ANK3: variants seen among roughly 807,000 people sequenced by gnomAD.
ANK3 encodes the protein ankyrin 3.
In ANK3, 57 loss-of-function variants were observed where a neutral mutation model predicts 370.9. The ratio of observed to expected loss-of-function variants is 0.15; its 90% CI spans 0.12 to 0.19. The LOEUF (loss-of-function observed/expected upper bound fraction) is 0.19, where lower values mean the gene tolerates loss of function less well. ANK3 is among the 10% of genes least tolerant of loss of function. The pLI is 1.00. For synonymous variants in ANK3, 1,929 were observed against 1,946.3 expected, an observed-to-expected ratio of 0.99 and a Z score of 0.23; for missense variants, 4,439 against 5,302.1, an observed-to-expected ratio of 0.84 and a Z score of 5.06.
intron 1 of ANK3, among the ~76,000 whole-genome samples, chr10:60,625,828 T>A (rs1293503512): frequency 1.3e-5 from 2 of 152,196 alleles, no homozygotes; most frequent in South Asian, 4.1e-4. Context: ...ATGGTTCTTA[T>A]AAAATTAGGA....
rs142550787 is a variant in ANK3, at chr10:60,624,495, C to T, written c.58-9271G>A. Among the ~76,000 whole-genome samples, 381 of 152,200 alleles carry T rather than the reference C, an allele frequency of 2.5e-3. 7 individuals are homozygous for T. The highest frequency in any genetic ancestry group is 0.02 in the Admixed American group (304 of 15,286). Reference sequence around the variant, plus strand: ...ATCTGTGTTCCCCAGTCTTCCCTTGCTCGATTTGAATCTGTATTCTTTTGC... The same window carrying T: ...ATCTGTGTTCCCCAGTCTTCCCTTGTTCGATTTGAATCTGTATTCTTTTGC... On this transcript the variant is annotated intron_variant, in intron 1 of 43. Transcript: ENST00000373827.
intron 14 of ANK3, 49 bp downstream of exon 14, chr10:60,198,290 GA>G (rs2096618592): frequency 1.3e-6 from 2 of 1,584,536 alleles, no homozygotes; most frequent in Non-Finnish European, 1.7e-6. Context: ...GAAACGTAAG[GA>G]AGATGTATTT....
chr10:60,166,986 T>C (rs2095641416), intron 21 of ANK3, 90 bp from the exon 22 acceptor site: 4 of 1,062,314 alleles, frequency 3.8e-6, no homozygotes, highest in Admixed American at 1.9e-5. Context: ...CAGTTTCTTG[T>C]GGAATGTATG....
chr10:60,365,755 A>G (rs376634776), intron 1 of ANK3, among the ~76,000 whole-genome samples: 1 of 152,144 alleles, frequency 6.6e-6, no homozygotes, highest in Admixed American at 6.5e-5. Context: ...GAGGAAATTG[A>G]CTGAGGTTAA....
chr10:60,596,193 T>C (rs1345860361), intron 2 of ANK3, among the ~76,000 whole-genome samples: 1 of 152,132 alleles, frequency 6.6e-6, no homozygotes, highest in Non-Finnish European at 1.5e-5. Context: ...GTTTTGCACA[T>C]GTGAATTTGT....
At chr10:60,591,899 G>A (rs2077920375) in intron 2 of ANK3, among the ~76,000 whole-genome samples, 1 of 152,290 alleles carries the variant, frequency 6.6e-6, no homozygotes, top group African/African-American at 2.4e-5. Flanking sequence ...TGGACATAGA[G>A]AGCAGAAGCA....
intron 2 of ANK3, among the ~76,000 whole-genome samples, chr10:60,566,421 A>C (rs934620569): frequency 6.6e-5 from 10 of 152,248 alleles, no homozygotes; most frequent in African/African-American, 2.2e-4. Context: ...AGACAGACCA[A>C]AAACTAGGAC....
chr10:60,381,763 T>C (rs1370344658), intron 1 of ANK3, among the ~76,000 whole-genome samples: 1 of 152,172 alleles, frequency 6.6e-6, no homozygotes, highest in Non-Finnish European at 1.5e-5. Flanking sequence ...CTTCACAACA[T>C]GTATGTAAAG....
intron 2 of ANK3, among the ~76,000 whole-genome samples, chr10:60,578,180 T>C (rs2077706031): frequency 6.6e-6 from 1 of 152,230 alleles, no homozygotes; most frequent in Non-Finnish European, 1.5e-5. Context: ...TTCAGCCATA[T>C]GCCCATTAAA....
At position 60,198,376 on chromosome 10, in the gene ANK3, A is replaced by C. The variant is rs761147464; in HGVS notation, c.1653T>G (p.Leu551=). ...TAGATAAAGACGCTCCATGATCCAAAAGGAACGCGGCCACATCCTCATGCC... is the reference window on the plus strand; with the variant it reads ...TAGATAAAGACGCTCCATGATCCAACAGGAACGCGGCCACATCCTCATGCC... The part of the protein sequence containing the change: ...REGHEDVAAF[L]LDHGASLSIT... The change falls in exon 14 of 44, where the codon CTT becomes CTG. Residue 551 remains leucine (L), a synonymous_variant. Transcript: ENST00000280772. 1 of 1,614,174 alleles carries C rather than the reference A, an allele frequency of 6.2e-7. No individual in the cohort carries two copies. Among genetic ancestry groups the C allele is most frequent in the Non-Finnish European group, 8.5e-7 (1 of 1,180,022 alleles).
chr10:60,274,331 G>A (rs1254119182), intron 4 of ANK3, among the ~76,000 whole-genome samples: 1 of 152,034 alleles, frequency 6.6e-6, no homozygotes, highest in African/African-American at 2.4e-5. Flanking sequence ...GTTTCATGGT[G>A]GAAATTTCAA....
chr10:60,350,069 A>G (rs542650225), intron 1 of ANK3, among the ~76,000 whole-genome samples: 3 of 152,328 alleles, frequency 2.0e-5, no homozygotes, highest in African/African-American at 7.2e-5. Context: ...AGCACTTACT[A>G]AGTGCAAGGC....
chr10:60,603,974 G>A (rs1182993247), intron 2 of ANK3, among the ~76,000 whole-genome samples: 2 of 152,092 alleles, frequency 1.3e-5, no homozygotes, highest in East Asian at 3.9e-4. Context: ...TCAAGCATTT[G>A]TTTAAAAACT....
chr10:60,205,917 C>G, intron 10 of ANK3, 27 bp from the exon 11 acceptor site: 1 of 1,409,458 alleles, frequency 7.1e-7, no homozygotes, highest in Non-Finnish European at 1.0e-6. Context: ...CATATACCTG[C>G]TTGACTACAT....
chr10:60,645,385 T>G (rs1322505489), intron 1 of ANK3, among the ~76,000 whole-genome samples: 1 of 152,212 alleles, frequency 6.6e-6, no homozygotes, highest in Non-Finnish European at 1.5e-5. Flanking sequence ...GTTATTGGTC[T>G]AGTAATTTAA....
intron 2 of ANK3, among the ~76,000 whole-genome samples, chr10:60,399,487 GGTT>G (rs571427001): frequency 4.2e-4 from 64 of 152,262 alleles, no homozygotes; most frequent in Non-Finnish European, 8.5e-4. Context: ...TTCACCTCAA[GGTT>G]GTTATTAAAT....
At chr10:60,625,185 G>C (rs1483786117) in intron 1 of ANK3, among the ~76,000 whole-genome samples, 2 of 151,996 alleles carry the variant, frequency 1.3e-5, no homozygotes, top group Non-Finnish European at 2.9e-5. Flanking sequence ...AGCCACAAGG[G>C]GAACACCGAG....
At chr10:60,030,069 T>C (rs2073052482) in intron 43 of ANK3, among the ~76,000 whole-genome samples, 1 of 151,808 alleles carries the variant, frequency 6.6e-6, no homozygotes, top group Admixed American at 6.6e-5. Context: ...GGCAGTGAGC[T>C]TTTCTAGGTG....
chr10:60,406,048 G>A (rs941992634), intron 2 of ANK3, among the ~76,000 whole-genome samples: 1 of 152,052 alleles, frequency 6.6e-6, no homozygotes, highest in Non-Finnish European at 1.5e-5. Context: ...GTTTTCTTGT[G>A]GAAGAAACTC....
Sources: allele counts gnomAD v4.1 joint callset (sites outside exome capture counted in the v4.1 genomes callset), GRCh38; gene constraint gnomAD v4.1.1; transcripts MANE v1.5; gene names NCBI Gene and HGNC (gene_info 2026-07-23, HGNC 2026-07-21).